ADCY5: variants seen among roughly 807,000 people sequenced by gnomAD.
The protein encoded by ADCY5 is adenylate cyclase 5, also known as adenylate cyclase type 5.
ADCY5 carries 30 observed loss-of-function variants against 119.7 expected under a neutral mutation model. That is an observed-to-expected ratio of 0.25 (90% CI 0.19 to 0.34). The LOEUF is 0.34. Among genes scored for constraint, ADCY5 ranks in the 10% least tolerant of loss-of-function variants. The probability of loss-of-function intolerance (pLI) is 1.00; values close to 1 mark genes in which losing one functional copy is unlikely to be tolerated. For synonymous variants in ADCY5, 753 were observed against 762.2 expected (o/e 0.99, Z 0.20); for missense variants, 1,324 against 1,775.2 (o/e 0.75, Z 4.57).
chr3:123,349,961 C>T (rs1942752691), intron 2 of ADCY5, among the ~76,000 whole-genome samples: 1 of 152,242 alleles, frequency 6.6e-6, no homozygotes, highest in South Asian at 2.1e-4. Flanking sequence ...ACAGCCTGGC[C>T]TGGAGGTTTC....
intron 11 of ADCY5, among the ~76,000 whole-genome samples, chr3:123,315,593 T>C (rs188339075): frequency 1.3e-5 from 2 of 152,120 alleles, no homozygotes; most frequent in East Asian, 1.9e-4. Flanking sequence ...CTTTTTTTTT[T>C]GAGACAGAGT....
chr3:123,317,295 A>G (rs1430263025), intron 11 of ADCY5, among the ~76,000 whole-genome samples: 3 of 151,918 alleles, frequency 2.0e-5, no homozygotes, highest in African/African-American at 7.3e-5. Flanking sequence ...ATTCTTAGAA[A>G]TATCCACAGT....
chr3:123,296,210 C>T lies in ADCY5; in HGVS notation c.2937G>A (p.Glu979=). Residue 979 remains glutamate, a synonymous_variant, in exon 17 of 21, where the codon GAG becomes GAA. Transcript: ENST00000462833. ...CCTTCAATGCCACCTTGGTTGCATG[C>T]TCAGGGCTGTGGGGAGGTGGTGGAC... ...FFNNGTSQCP[E]HATKVALKVV... 6.2e-7 allele frequency: 1 copy of T among 1,613,750 alleles called. No homozygotes were observed. The highest frequency in any genetic ancestry group is 8.5e-7 in the Non-Finnish European group (1 of 1,179,918).
chr3:123,382,727 T>A (rs907053525), intron 1 of ADCY5, among the ~76,000 whole-genome samples: 3 of 151,848 alleles, frequency 2.0e-5, no homozygotes, highest in Admixed American at 1.3e-4. Context: ...AGACAGAAAG[T>A]AGATTAGAGA....
chr3:123,401,232 C>T (rs192908681), intron 1 of ADCY5, among the ~76,000 whole-genome samples: 12 of 152,228 alleles, frequency 7.9e-5, no homozygotes, highest in Admixed American at 4.6e-4. Flanking sequence ...CCCAAGAGCA[C>T]GCATGGCTCT....
chr3:123,436,461 T>A (rs1945619318), intron 1 of ADCY5, among the ~76,000 whole-genome samples: 1 of 152,206 alleles, frequency 6.6e-6, no homozygotes, highest in Admixed American at 6.5e-5. Flanking sequence ...ATCCCAGTAC[T>A]TTGGGAGGCC....
intron 14 of ADCY5, among the ~76,000 whole-genome samples, chr3:123,301,738 A>G (rs1411189868): frequency 6.6e-6 from 1 of 152,226 alleles, no homozygotes; most frequent in Non-Finnish European, 1.5e-5. Context: ...CAAGTACGAG[A>G]CTGAAAATAG....
chr3:123,332,404 G>A lies in ADCY5; in HGVS notation c.1518+160C>T, dbSNP rs540447623. 3.0e-4 allele frequency among the ~76,000 whole-genome samples: 46 copies of A among 152,366 alleles called. No individual in the cohort carries two copies. The South Asian group carries it at 7.5e-3, about 25-fold the overall frequency. On this transcript the variant is annotated intron_variant, in intron 4 of 20. Coordinates refer to ENST00000462833, the MANE Select transcript of ADCY5 (RefSeq NM_183357.3). ...CCACGCAGGGCGTGAGGACACAGCC[G>A]CAGCCTAAGGGTCCCCTCTGCCCAT... is the stretch of plus-strand genomic sequence containing the variant.
At chr3:123,413,718 T>C (rs1945116646) in intron 1 of ADCY5, among the ~76,000 whole-genome samples, 1 of 152,196 alleles carries the variant, frequency 6.6e-6, no homozygotes, top group Non-Finnish European at 1.5e-5. Context: ...GCCCTCTTGC[T>C]CTTCCTCAGT....
At chr3:123,324,125 G>A (rs1177834423) in intron 8 of ADCY5, among the ~76,000 whole-genome samples, 1 of 152,136 alleles carries the variant, frequency 6.6e-6, no homozygotes, top group African/African-American at 2.4e-5. Context: ...CTGTCAGAAT[G>A]TTAAATGGGG....
At chr3:123,344,654 C>T (rs920211802) in intron 3 of ADCY5, among the ~76,000 whole-genome samples, 2 of 152,124 alleles carry the variant, frequency 1.3e-5, no homozygotes, top group African/African-American at 4.8e-5. Flanking sequence ...CACTGTGCCC[C>T]GCCCCATGAG....
In ADCY5 at chr3:123,359,398, G is replaced by A. The variant is rs1200273366; in HGVS notation, c.1135-6817C>T. Among the ~76,000 whole-genome samples the A allele has an allele frequency of 3.6e-5, 5 of 138,072 alleles. 1 individual carries two copies. In the South Asian group the frequency reaches 1.1e-3, roughly 32 times the overall value. 90.6% of individuals were successfully genotyped at this position (138,072 alleles called of 152,430 possible). A position where few individuals can be genotyped will look rare whatever the true frequency, so the allele number is the denominator to read the frequency against. ...ATCTGAAATTCAAATATAATTGAGT[G>A]ACCCATATTTTACTGGGCAACCCTA... On this transcript the variant is annotated intron_variant, in intron 1 of 20. Coordinates refer to ENST00000462833, the MANE Select transcript of ADCY5 (RefSeq NM_183357.3).
At chr3:123,403,207 C>T (rs1219189772) in intron 1 of ADCY5, among the ~76,000 whole-genome samples, 1 of 151,982 alleles carries the variant, frequency 6.6e-6, no homozygotes, top group African/African-American at 2.4e-5. Context: ...TGGGGAAACC[C>T]CATCTCTACA....
chr3:123,310,292 C>T (rs898327371), intron 12 of ADCY5, among the ~76,000 whole-genome samples: 9 of 151,808 alleles, frequency 5.9e-5, no homozygotes, highest in African/African-American at 1.9e-4. Context: ...ACCATTTGGG[C>T]GGTGGCGGCA....
intron 1 of ADCY5, among the ~76,000 whole-genome samples, chr3:123,438,844 T>A (rs1275588688): frequency 2.0e-5 from 3 of 151,988 alleles, no homozygotes; most frequent in Non-Finnish European, 4.4e-5. Context: ...CCTCCCAGGC[T>A]CAAGAGATCC....
chr3:123,385,361 C>G (rs1944186731), intron 1 of ADCY5, among the ~76,000 whole-genome samples: 1 of 151,994 alleles, frequency 6.6e-6, no homozygotes, highest in Admixed American at 6.6e-5. Flanking sequence ...TATGTGGGAG[C>G]AGGGCAAGTA....
In ADCY5 at chr3:123,303,159, T is replaced by C. The variant is rs199772395; in HGVS notation, c.2620A>G (p.Ser874Gly). 5.6e-6 allele frequency: 9 copies of C among 1,613,758 alleles called. No individual in the cohort carries two copies. Among genetic ancestry groups the C allele is most frequent in the Non-Finnish European group, 7.6e-6 (9 of 1,180,024 alleles). Residue 874 changes from serine to glycine, a missense_variant, in exon 14 of 21, where the codon AGC (serine) becomes GGC (glycine). Ser to Gly is a moderately conservative substitution (Grantham distance 56). Coordinates refer to ENST00000462833, the MANE Select transcript of ADCY5 (RefSeq NM_183357.3). ...CLAQEHNISASQVNACHVAES... is the reference protein window; with the variant it reads ...CLAQEHNISAGQVNACHVAES... ...GCCACGTGACACGCGTTGACCTGGCTCGCGCTGATGTTGTGCTCCTGTGCC... is the reference window on the plus strand; with the variant it reads ...GCCACGTGACACGCGTTGACCTGGCCCGCGCTGATGTTGTGCTCCTGTGCC...
At chr3:123,333,892 A>G (rs1355478246) in intron 3 of ADCY5, among the ~76,000 whole-genome samples, 5 of 152,114 alleles carry the variant, frequency 3.3e-5, no homozygotes, top group African/African-American at 1.2e-4. Flanking sequence ...CAAGAAACAC[A>G]GTAAAAGAGA....
At chr3:123,327,592 A>G in intron 7 of ADCY5, 26 bp downstream of exon 7, 2 of 1,605,670 alleles carry the variant, frequency 1.2e-6, no homozygotes, top group Non-Finnish European at 1.7e-6. Flanking sequence ...GGAGCCCCTC[A>G]GCCCCCCGGC....
Sources: allele counts gnomAD v4.1 joint callset (sites outside exome capture counted in the v4.1 genomes callset), GRCh38; gene constraint gnomAD v4.1.1; transcripts MANE v1.5; gene names NCBI Gene and HGNC (gene_info 2026-07-23, HGNC 2026-07-21).